Variants in CRACD observed in about 807,000 individuals in gnomAD.
CRACD encodes capping protein inhibiting regulator of actin dynamics.
Under a neutral mutation model 106.8 loss-of-function variants are expected in CRACD, and 56 were observed. The observed-to-expected ratio is 0.52, with a 90% CI of 0.42 to 0.66. CRACD has a LOEUF of 0.66. Ranked by LOEUF, CRACD falls within the 30% of genes least tolerant of loss-of-function variation. CRACD has a pLI of 0.00. For synonymous variants in CRACD, 754 were observed against 670.8 expected (o/e 1.12, Z -1.92); for missense variants, 1,730 against 1,623.2 (o/e 1.07, Z -1.13).
chr4:56,051,884 C>G (rs977187769), intron 1 of CRACD, among the ~76,000 whole-genome samples: 1 of 152,098 alleles, frequency 6.6e-6, no homozygotes, highest in Non-Finnish European at 1.5e-5. Flanking sequence ...TTAATCTAAG[C>G]CTCAGTTTCC....
chr4:56,061,186 T>C (rs1222569260), intron 1 of CRACD, among the ~76,000 whole-genome samples: 1 of 152,194 alleles, frequency 6.6e-6, no homozygotes, highest in Non-Finnish European at 1.5e-5. Flanking sequence ...TCTCTCTTTT[T>C]TTGAGGCAAG....
At chr4:56,126,066 C>T (rs1248936845) in intron 1 of CRACD, among the ~76,000 whole-genome samples, 2 of 152,128 alleles carry the variant, frequency 1.3e-5, no homozygotes, top group East Asian at 1.9e-4. Context: ...TGCACCCAGC[C>T]TCTTTATTCT....
chr4:56,104,966 CAA>C (rs34655977), intron 1 of CRACD, among the ~76,000 whole-genome samples: 3,543 of 68,778 alleles, frequency 0.052, 39 homozygotes, highest in Admixed American at 0.1. Context: ...GACTCCGTCT[CAA>C]AAAAAAAAAA....
At chr4:56,123,734 C>T (rs1734566156) in intron 1 of CRACD, among the ~76,000 whole-genome samples, 3 of 151,248 alleles carry the variant, frequency 2.0e-5, no homozygotes, top group Non-Finnish European at 4.4e-5. Flanking sequence ...TCTTCAGAGA[C>T]CACAGTAGTA....
intron 1 of CRACD, among the ~76,000 whole-genome samples, chr4:56,165,770 C>A (rs1408385490): frequency 6.6e-6 from 1 of 152,072 alleles, no homozygotes; most frequent in Non-Finnish European, 1.5e-5. Flanking sequence ...GTTTACCTTA[C>A]AAAGAAATTA....
intron 1 of CRACD, among the ~76,000 whole-genome samples, chr4:56,110,667 G>A (rs1344480311): frequency 1.3e-5 from 2 of 152,086 alleles, no homozygotes; most frequent in Admixed American, 6.5e-5. Flanking sequence ...TGCAATCTTG[G>A]CTCACTGGTA....
At chr4:56,197,614 G>A (rs1002055296) in intron 2 of CRACD, among the ~76,000 whole-genome samples, 1 of 152,094 alleles carries the variant, frequency 6.6e-6, no homozygotes, top group Non-Finnish European at 1.5e-5. Flanking sequence ...CAGACAATGA[G>A]GCTTTTACCA....
chr4:56,121,644 GA>G (rs55833031), intron 1 of CRACD, among the ~76,000 whole-genome samples: 15,161 of 150,398 alleles, frequency 0.1, 798 homozygotes, highest in East Asian at 0.19. Context: ...ACTCTGTCTT[GA>G]AAAAAAAAGG....
chr4:56,274,408 A>G (rs1409583592), intron 3 of CRACD, among the ~76,000 whole-genome samples: 2 of 152,202 alleles, frequency 1.3e-5, no homozygotes, highest in African/African-American at 2.4e-5. Context: ...TTTTTGTAGT[A>G]TAGTAGGTAT....
intron 2 of CRACD, among the ~76,000 whole-genome samples, chr4:56,240,352 T>C (rs1014561567): frequency 6.6e-6 from 1 of 152,134 alleles, no homozygotes; most frequent in African/African-American, 2.4e-5. Context: ...GAGAAATTCC[T>C]TGGAGGAACA....
intron 1 of CRACD, among the ~76,000 whole-genome samples, chr4:56,143,113 C>G (rs773103300): frequency 5.9e-5 from 9 of 151,682 alleles, no homozygotes; most frequent in Non-Finnish European, 1.2e-4. Context: ...TGAGTTAAAT[C>G]AGAGATTCAT....
chr4:56,319,025 G>C (rs190176852), intron 8 of CRACD, among the ~76,000 whole-genome samples: 9 of 152,062 alleles, frequency 5.9e-5, no homozygotes, highest in African/African-American at 2.2e-4. Flanking sequence ...TCTCTTACTC[G>C]TATTATTAGT....
chr4:56,208,484 A>C (rs1738238642), intron 2 of CRACD, among the ~76,000 whole-genome samples: 1 of 152,216 alleles, frequency 6.6e-6, no homozygotes, highest in Non-Finnish European at 1.5e-5. Flanking sequence ...GTTATGTCAG[A>C]GTTTAGTAGC....
chr4:56,248,606 G>T (rs1226915586), intron 2 of CRACD, among the ~76,000 whole-genome samples: 1 of 150,132 alleles, frequency 6.7e-6, no homozygotes, highest in Admixed American at 6.7e-5. Flanking sequence ...TTAAGTTTTA[G>T]GGTACATGTG....
At position 56,310,751 on chromosome 4, in the gene CRACD, T is replaced by G; in HGVS notation, c.354+17T>G. On this transcript the variant is annotated intron_variant, in intron 6 of 10. Coordinates refer to ENST00000682029, the MANE Select transcript of CRACD (RefSeq NM_001393381.1). ...GAAGAGAAGGTAATATGATTTGAAC[T>G]TATTTATTTGGCTTCTTTCCTTACT... 1 of 1,568,276 alleles carries G rather than the reference T, an allele frequency of 6.4e-7. No homozygotes were observed. The highest frequency in any genetic ancestry group is 8.8e-7 in the Non-Finnish European group (1 of 1,139,264).
At chr4:56,230,148 GTCT>G (rs1234762534) in intron 2 of CRACD, among the ~76,000 whole-genome samples, 2 of 152,066 alleles carry the variant, frequency 1.3e-5, no homozygotes, top group African/African-American at 4.8e-5. Flanking sequence ...TTCAGTATAG[GTCT>G]TCTTCCTCTT....
chr4:56,311,788 C>T (rs1050458932), intron 6 of CRACD, among the ~76,000 whole-genome samples: 1 of 152,190 alleles, frequency 6.6e-6, no homozygotes, highest in African/African-American at 2.4e-5. Flanking sequence ...TAAACCCTGG[C>T]CACATCGGAG....
intron 2 of CRACD, among the ~76,000 whole-genome samples, chr4:56,233,703 A>T (rs1267975640): frequency 6.6e-6 from 1 of 152,204 alleles, no homozygotes; most frequent in African/African-American, 2.4e-5. Flanking sequence ...GCAGTTTCAT[A>T]TGAATTTGAG....
chr4:56,314,132 G>C lies in CRACD; in HGVS notation c.630G>C (p.Glu210Asp), dbSNP rs747030906. The C allele has an allele frequency of 2.5e-6, 4 of 1,614,084 alleles. No individual in the cohort carries two copies. Among genetic ancestry groups the C allele is most frequent in the Non-Finnish European group, 3.4e-6 (4 of 1,180,056 alleles). Residue 210 changes from glutamate to aspartate, a missense_variant, in exon 8 of 11, where the codon GAG becomes GAC. By Grantham distance (45) the Glu-to-Asp change is conservative. This residue lies in a region of CRACD where 1,620 missense variants were observed against 1,481.6 expected (regional missense o/e 1.09). Coordinates refer to ENST00000682029, the MANE Select transcript of CRACD (RefSeq NM_001393381.1). The surrounding 1 kb of genome is among the most constrained non-coding windows in gnomAD (Gnocchi z 4.4). ...AGGACAAGCCAACGTGGCACGAAGA[G>C]GAACCCAATCCGCTGGATTCCGAGG... ...PGEDKPTWHE[E>D]EPNPLDSEEE...
Sources: gnomAD v4.1 joint callset for allele counts (sites outside exome capture counted in the v4.1 genomes callset) on GRCh38, gnomAD v4.1.1 for gene constraint, gnomAD v4.1.1 regional missense constraint, Gnocchi (gnomAD v3.1) non-coding constraint, MANE v1.5 for transcripts, NCBI Gene and HGNC (gene_info 2026-07-23, HGNC 2026-07-21) for gene names.